Variants in CALCR observed in about 807,000 individuals in gnomAD.
The protein encoded by CALCR is calcitonin receptor.
A neutral mutation model predicts 59.5 loss-of-function variants in CALCR; 47 were observed. That is an observed-to-expected ratio of 0.79 (90% CI 0.63 to 1.01). The LOEUF (loss-of-function observed/expected upper bound fraction) is 1.01. Ranked by LOEUF, CALCR falls within the 50% of genes least tolerant of loss-of-function variation. The pLI, the probability that CALCR is intolerant of heterozygous loss-of-function variation, is 0.00. For missense variants in CALCR, 566 were observed against 597.1 expected (o/e 0.95, Z 0.54); for synonymous variants, 213 against 211.3 (o/e 1.01, Z -0.07).
At chr7:93,443,823 C>A (rs1774559267) in intron 8 of CALCR, 66 bp from the exon 9 acceptor site, 4 of 1,451,230 alleles carry the variant, frequency 2.8e-6, no homozygotes, top group Non-Finnish European at 3.8e-6. Flanking sequence ...GAGCACAGAG[C>A]AAATGTGAAA....
In CALCR at chr7:93,538,089, A is replaced by C. The variant is rs563922812; in HGVS notation, c.-27+36200T>G. On this transcript the variant is annotated intron_variant, in intron 2 of 13. Coordinates refer to ENST00000426151, the MANE Select transcript of CALCR (RefSeq NM_001742.4). ...ATAATGGAAAATTAATGAAGAACAT[A>C]GAACATATAACAAGAGACTAACTTA... Among the ~76,000 whole-genome samples, 3 of 152,150 alleles carry C rather than the reference A, an allele frequency of 2.0e-5. No individual in the cohort carries two copies. In the East Asian group the frequency reaches 5.8e-4, roughly 29 times the overall value.
At chr7:93,564,019 GTTA>G (rs1789803611) in intron 2 of CALCR, among the ~76,000 whole-genome samples, 1 of 152,024 alleles carries the variant, frequency 6.6e-6, no homozygotes, top group Admixed American at 6.6e-5. Flanking sequence ...TACCATTATT[GTTA>G]TTATTGAAAT....
At chr7:93,524,946 T>C (rs1018558363) in intron 2 of CALCR, among the ~76,000 whole-genome samples, 3 of 152,172 alleles carry the variant, frequency 2.0e-5, no homozygotes, top group African/African-American at 7.2e-5. Context: ...AAAGGGCTCA[T>C]ATACATATTT....
chr7:93,457,219 C>T (rs1387356444), intron 8 of CALCR, among the ~76,000 whole-genome samples: 2 of 152,146 alleles, frequency 1.3e-5, no homozygotes. Flanking sequence ...TGAGAGTTGA[C>T]AGCAACCTTG....
chr7:93,462,833 G>T (rs1327614492), intron 7 of CALCR, among the ~76,000 whole-genome samples: 2 of 151,796 alleles, frequency 1.3e-5, no homozygotes, highest in African/African-American at 4.8e-5. Flanking sequence ...TTACTCTTTT[G>T]TGTGCCTGCT....
intron 2 of CALCR, among the ~76,000 whole-genome samples, chr7:93,561,615 G>A (rs998846440): frequency 1.3e-5 from 2 of 152,010 alleles, no homozygotes; most frequent in African/African-American, 4.8e-5. Flanking sequence ...GATCCAGAAG[G>A]GAAAGGATAT....
intron 2 of CALCR, among the ~76,000 whole-genome samples, chr7:93,522,533 G>A (rs1042606787): frequency 8.5e-5 from 13 of 152,144 alleles, no homozygotes; most frequent in Non-Finnish European, 1.8e-4. Context: ...ATTTTTAGGT[G>A]TCAAGGATTT....
chr7:93,486,114 G>A (rs1051567634), intron 3 of CALCR, among the ~76,000 whole-genome samples: 1 of 151,602 alleles, frequency 6.6e-6, no homozygotes, highest in Non-Finnish European at 1.5e-5. Flanking sequence ...GAGATATTGA[G>A]TGATCTTTGC....
In CALCR at chr7:93,429,673, T is replaced by C. The variant is rs145208603; in HGVS notation, c.1192-3084A>G. Among the ~76,000 whole-genome samples, 458 of 152,286 alleles carry C rather than the reference T, an allele frequency of 3.0e-3. 4 individuals carry two copies. Among genetic ancestry groups the C allele is most frequent in the African/African-American group, 0.01 (432 of 41,574 alleles). On this transcript the variant is annotated intron_variant, in intron 13 of 13. Coordinates refer to ENST00000426151, the MANE Select transcript of CALCR (RefSeq NM_001742.4). Reference sequence around the variant, plus strand: ...ATTTGAATGTTTTTGTCTTTTGCCTTTCTTTTCCTGAGTTCATTCTAAGTA... The same window carrying C: ...ATTTGAATGTTTTTGTCTTTTGCCTCTCTTTTCCTGAGTTCATTCTAAGTA...
chr7:93,434,156 T>C (rs1178834970), intron 13 of CALCR, 97 bp downstream of exon 13: 2 of 854,444 alleles, frequency 2.3e-6, no homozygotes, highest in Non-Finnish European at 2.0e-6. Context: ...AGGTCAACTG[T>C]AGAAGTGAGA....
intron 2 of CALCR, among the ~76,000 whole-genome samples, chr7:93,523,815 T>C (rs1584605405): frequency 6.6e-6 from 1 of 152,128 alleles, no homozygotes. Flanking sequence ...ATATTATTCA[T>C]TTGATATCTA....
intron 2 of CALCR, among the ~76,000 whole-genome samples, chr7:93,498,993 C>T (rs897471389): frequency 6.6e-6 from 1 of 151,578 alleles, no homozygotes; most frequent in Admixed American, 6.6e-5. Flanking sequence ...CCCAGAAGAA[C>T]TTCAAACTCA....
At chr7:93,485,944 C>T (rs1800933108) in intron 3 of CALCR, among the ~76,000 whole-genome samples, 1 of 151,516 alleles carries the variant, frequency 6.6e-6, no homozygotes, top group African/African-American at 2.4e-5. Context: ...AATTGCCTTA[C>T]AAATTAAATT....
At position 93,468,762 on chromosome 7, in the gene CALCR, C is replaced by T. The variant is rs1371352910; in HGVS notation, c.474G>A (p.Leu158=). The T allele has an allele frequency of 1.9e-6, 3 of 1,610,768 alleles. No homozygotes were observed. In the African/African-American group the frequency reaches 4.0e-5, roughly 22 times the overall value. The change falls in exon 7 of 14, where the codon TTG becomes TTA. Residue 158 remains leucine, a synonymous_variant. Coordinates refer to ENST00000426151, the MANE Select transcript of CALCR (RefSeq NM_001742.4). ...GGGAAATCACTAGGGTGAAAATTGA[C>T]AAAGAATGACCCACAATAGCCAAAT... ...LYYLAIVGHS[L]SIFTLVISLG... is the part of the protein sequence containing the mutation.
In CALCR at chr7:93,574,312, T is replaced by G. The variant is rs936533580; in HGVS notation, c.-50A>C. On this transcript the variant is annotated 5_prime_UTR_variant, in exon 2 of 14. Transcript: ENST00000426151. ...ACCTGGAATTCTGTCACTGGGCGGC[T>G]GGGCACAGCTCAATAGAAGCAAAGG... 3.9e-5 allele frequency: 6 copies of G among 152,410 alleles called. No individual in the cohort carries two copies. Among genetic ancestry groups the G allele is most frequent in the Non-Finnish European group, 5.9e-5 (4 of 68,204 alleles). 9.4% of individuals were successfully genotyped at this position (152,410 alleles called of 1,614,324 possible). A position where few individuals can be genotyped will look rare whatever the true frequency, so the allele number is the denominator to read the frequency against.
chr7:93,447,375 T>C (rs1040487859), intron 8 of CALCR, among the ~76,000 whole-genome samples: 1 of 152,020 alleles, frequency 6.6e-6, no homozygotes, highest in Non-Finnish European at 1.5e-5. Context: ...ACATAGGAAA[T>C]CTTGTGTGGC....
intron 7 of CALCR, among the ~76,000 whole-genome samples, chr7:93,463,719 T>C (rs1405872308): frequency 6.6e-6 from 1 of 151,984 alleles, no homozygotes; most frequent in Non-Finnish European, 1.5e-5. Context: ...GAGAATTAAT[T>C]GAAATTAACA....
At chr7:93,452,063 T>C (rs1800120365) in intron 8 of CALCR, among the ~76,000 whole-genome samples, 4 of 151,940 alleles carry the variant, frequency 2.6e-5, no homozygotes, top group South Asian at 2.1e-4. Flanking sequence ...AAACCAGTTA[T>C]TGGGTACTAT....
chr7:93,480,443 T>G (rs941203963), intron 3 of CALCR, among the ~76,000 whole-genome samples: 2 of 151,866 alleles, frequency 1.3e-5, no homozygotes, highest in African/African-American at 4.8e-5. Flanking sequence ...TTTTTCTAAA[T>G]TTAGGAATGC....
Sources: gnomAD v4.1 joint callset for allele counts (sites outside exome capture counted in the v4.1 genomes callset) on GRCh38, gnomAD v4.1.1 for gene constraint, MANE v1.5 for transcripts, NCBI Gene and HGNC (gene_info 2026-07-23, HGNC 2026-07-21) for gene names.